XKR6: variants seen among roughly 807,000 people sequenced by gnomAD.
XKR6 encodes the protein XK related 6.
XKR6 carries 22 observed loss-of-function variants against 56.7 expected under a neutral mutation model. The observed-to-expected ratio is 0.39, with a 90% CI of 0.28 to 0.55. The LOEUF is 0.55. Among genes scored for constraint, XKR6 ranks in the 20% least tolerant of loss-of-function variants. XKR6 has a pLI of 0.66. For missense variants in XKR6, 852 were observed against 889.0 expected (o/e 0.96, Z 0.53); for synonymous variants, 524 against 387.8 (o/e 1.35, Z -4.13).
At chr8:10,938,642 A>G (rs1217942691) in intron 1 of XKR6, among the ~76,000 whole-genome samples, 5 of 152,214 alleles carry the variant, frequency 3.3e-5, no homozygotes, top group Admixed American at 3.3e-4. Flanking sequence ...GATATTCTGC[A>G]AGGCCAGAGG....
chr8:11,142,760 G>C (rs1305605518), intron 1 of XKR6, among the ~76,000 whole-genome samples: 1 of 152,098 alleles, frequency 6.6e-6, no homozygotes, highest in Non-Finnish European at 1.5e-5. Context: ...CTTTTCTTTA[G>C]AAATACCCCA....
chr8:10,920,753 T>C (rs1800686127), intron 2 of XKR6, among the ~76,000 whole-genome samples: 2 of 152,232 alleles, frequency 1.3e-5, no homozygotes, highest in Admixed American at 1.3e-4. Flanking sequence ...CTAGTGTCCT[T>C]CCTTCCCGTA....
intron 1 of XKR6, chr8:11,195,290 T>A (rs1193983793): frequency 1.6e-6 from 1 of 637,606 alleles, no homozygotes; most frequent in African/African-American, 1.8e-5. Flanking sequence ...ACACCTTTCA[T>A]TCTTTTAGCA....
At chr8:10,984,716 C>CTATATATA (rs1474560046) in intron 1 of XKR6, among the ~76,000 whole-genome samples, 4 of 86,672 alleles carry the variant, frequency 4.6e-5, no homozygotes, top group African/African-American at 2.0e-4. Flanking sequence ...CTCTCTCTCT[C>CTATATATA]TCTCTCTCTC....
At chr8:11,178,547 AATATATATATATATATATATATATATGT>A (rs1452758341) in intron 1 of XKR6, among the ~76,000 whole-genome samples, 2 of 88,502 alleles carry the variant, frequency 2.3e-5, no homozygotes, top group East Asian at 2.2e-4. Context: ...GAGAGGTAAA[AATATATATATATATATATATATATATGT>A]ATATATATAT....
chr8:11,005,479 A>G (rs73662673), intron 1 of XKR6, among the ~76,000 whole-genome samples: 7,088 of 152,122 alleles, frequency 0.047, 431 homozygotes, highest in African/African-American at 0.14. Flanking sequence ...TGTTCTGGAA[A>G]TGGACGGTGG....
chr8:10,927,776 G>C (rs1163741814), intron 1 of XKR6, among the ~76,000 whole-genome samples: 2 of 152,164 alleles, frequency 1.3e-5, no homozygotes, highest in Non-Finnish European at 2.9e-5. Flanking sequence ...GCACCCCAGG[G>C]TGTGGGAAGA....
intron 2 of XKR6, 71 bp downstream of exon 2, chr8:10,924,563 T>C (rs996205836): frequency 1.3e-6 from 2 of 1,529,810 alleles, no homozygotes; most frequent in African/African-American, 2.7e-5. Flanking sequence ...GCACGAAGTG[T>C]GTGGGAGGCG....
At chr8:10,997,284 A>T (rs2129142034) in intron 1 of XKR6, among the ~76,000 whole-genome samples, 1 of 152,302 alleles carries the variant, frequency 6.6e-6, no homozygotes, top group South Asian at 2.1e-4. Flanking sequence ...TGCTCCAAGA[A>T]CTTGACCTGT....
intron 1 of XKR6, among the ~76,000 whole-genome samples, chr8:10,966,498 C>A (rs1284992131): frequency 6.6e-6 from 1 of 152,006 alleles, no homozygotes; most frequent in Non-Finnish European, 1.5e-5. Flanking sequence ...ATGGTGAAAC[C>A]CCGTCTCTAC....
At chr8:11,114,277 G>A (rs1037605086) in intron 1 of XKR6, among the ~76,000 whole-genome samples, 1 of 152,056 alleles carries the variant, frequency 6.6e-6, no homozygotes, top group African/African-American at 2.4e-5. Context: ...TTAGCCGCTG[G>A]GTATCGTAAC....
At chr8:10,921,726 G>T (rs1283431110) in intron 2 of XKR6, among the ~76,000 whole-genome samples, 1 of 152,150 alleles carries the variant, frequency 6.6e-6, no homozygotes, top group African/African-American at 2.4e-5. Flanking sequence ...ATCTGTTTGG[G>T]GTGTCAAGAT....
rs116234088 is a variant in XKR6 at position 11,021,119 on chromosome 8, A to G, written c.765-96289T>C. On this transcript the variant is annotated intron_variant, in intron 1 of 2. Coordinates refer to ENST00000416569, the MANE Select transcript of XKR6 (RefSeq NM_173683.4). ...TCCTCAGATTTTAAACCATCTCCAT[A>G]AAACAGCTGTCCTAGGAAGGAATCT... 3.8e-3 allele frequency among the ~76,000 whole-genome samples: 573 copies of G among 152,224 alleles called. 4 individuals carry two copies. The highest frequency in any genetic ancestry group is 0.013 in the African/African-American group (544 of 41,550).
At chr8:11,189,656 T>C (rs1437501304) in intron 1 of XKR6, among the ~76,000 whole-genome samples, 1 of 152,222 alleles carries the variant, frequency 6.6e-6, no homozygotes, top group Non-Finnish European at 1.5e-5. Flanking sequence ...CCTTGATAAC[T>C]AACTCATAGA....
At chr8:11,054,810 G>A (rs1453131890) in intron 1 of XKR6, among the ~76,000 whole-genome samples, 1 of 152,152 alleles carries the variant, frequency 6.6e-6, no homozygotes, top group African/African-American at 2.4e-5. Flanking sequence ...TGCTCACTGG[G>A]GCCCTGGGAG....
chr8:11,059,934 C>G (rs1178584506), intron 1 of XKR6, among the ~76,000 whole-genome samples: 2 of 152,224 alleles, frequency 1.3e-5, no homozygotes, highest in African/African-American at 4.8e-5. Context: ...AGGCATTTCA[C>G]AAAATCTCTA....
intron 1 of XKR6, among the ~76,000 whole-genome samples, chr8:11,102,088 G>C (rs1159099978): frequency 6.6e-6 from 1 of 152,172 alleles, no homozygotes; most frequent in African/African-American, 2.4e-5. Flanking sequence ...GCAGTCACTG[G>C]CTGAAAAATT....
chr8:11,149,067 C>T (rs1383766604), intron 1 of XKR6, among the ~76,000 whole-genome samples: 1 of 152,164 alleles, frequency 6.6e-6, no homozygotes, highest in Non-Finnish European at 1.5e-5. Flanking sequence ...GTCTCAGGAC[C>T]TGAATGTTTG....
intron 1 of XKR6, among the ~76,000 whole-genome samples, chr8:11,032,745 C>G (rs1049602173): frequency 6.6e-6 from 1 of 152,158 alleles, no homozygotes; most frequent in Non-Finnish European, 1.5e-5. Context: ...AGGGCATGGT[C>G]AAACACCCCT....
Sources: allele counts gnomAD v4.1 joint callset (sites outside exome capture counted in the v4.1 genomes callset), GRCh38; gene constraint gnomAD v4.1.1; transcripts MANE v1.5; gene names NCBI Gene and HGNC (gene_info 2026-07-23, HGNC 2026-07-21).